The following PDE8A variants were observed in gnomAD, a reference collection of about 807,000 sequenced individuals.
PDE8A encodes the protein phosphodiesterase 8A.
PDE8A carries 59 observed loss-of-function variants against 105.0 expected under a neutral mutation model. That is an observed-to-expected ratio of 0.56 (90% CI 0.46 to 0.70). The LOEUF (loss-of-function observed/expected upper bound fraction) is 0.70. Among genes scored for constraint, PDE8A ranks in the 30% least tolerant of loss-of-function variants. The pLI is 0.00. For synonymous variants in PDE8A, 355 were observed against 371.9 expected, an observed-to-expected ratio of 0.95 and a Z score of 0.52; for missense variants, 1,014 against 1,045.9, an observed-to-expected ratio of 0.97 and a Z score of 0.42.
intron 1 of PDE8A, among the ~76,000 whole-genome samples, chr15:84,990,470 A>C (rs1164782772): frequency 1.3e-5 from 2 of 152,206 alleles, no homozygotes; most frequent in Non-Finnish European, 2.9e-5. Flanking sequence ...ATTTCATGTA[A>C]ATAGAACCTT....
At chr15:85,020,081 C>CA (rs2080399190) in intron 1 of PDE8A, among the ~76,000 whole-genome samples, 1 of 148,692 alleles carries the variant, frequency 6.7e-6, no homozygotes, top group Non-Finnish European at 1.5e-5. Flanking sequence ...AGAAATGAGT[C>CA]AAAGAAGGAG....
chr15:85,111,776 T>C (rs766987783), intron 12 of PDE8A, among the ~76,000 whole-genome samples: 1 of 152,204 alleles, frequency 6.6e-6, no homozygotes, highest in Non-Finnish European at 1.5e-5. Flanking sequence ...TCAGGGAAAA[T>C]TGAAATCTCA....
chr15:85,117,450 A>C (rs962126583), intron 16 of PDE8A, among the ~76,000 whole-genome samples, 191 bp from the exon 17 acceptor site: 1 of 152,164 alleles, frequency 6.6e-6, no homozygotes, highest in Non-Finnish European at 1.5e-5. Context: ...CCCGTGCATC[A>C]TGGTCCCCTG....
At chr15:85,020,028 G>A (rs1330633168) in intron 1 of PDE8A, among the ~76,000 whole-genome samples, 1 of 149,836 alleles carries the variant, frequency 6.7e-6, no homozygotes, top group Non-Finnish European at 1.5e-5. Context: ...TGCAGGCCGG[G>A]TGGTTGGTGA....
In PDE8A at chr15:85,093,337, G is replaced by A. The variant is rs575311915; in HGVS notation, c.852+2156G>A. ...GGGCAACATGGCAGCAGGGCAGGCC[G>A]CTGAGCTGGCCTGTGTTTTGAGGTG... On this transcript the variant is annotated intron_variant, in intron 8 of 21. Coordinates refer to ENST00000394553, the MANE Select transcript of PDE8A (RefSeq NM_002605.3). Among the ~76,000 whole-genome samples the A allele has an allele frequency of 6.6e-5, 10 of 152,302 alleles. No individual in the cohort carries two copies. In the South Asian group the frequency reaches 1.0e-3, roughly 16 times the overall value.
Position 85,113,953 on chromosome 15 carries a change from A to G in PDE8A, c.1266A>G (p.Leu422=), listed in dbSNP as rs890925479. 17 of 1,613,796 alleles carry G rather than the reference A, an allele frequency of 1.1e-5. No homozygotes were observed. Among genetic ancestry groups the G allele is most frequent in the Non-Finnish European group, 1.4e-5 (16 of 1,179,630 alleles). ...CCCTAGACCGTGTGCTGGAAATTCT[A>G]AGAACCACTGAGTTATATTCACCAC... is the stretch of plus-strand genomic sequence containing the variant. ...TEALDRVLEI[L]RTTELYSPQF... is the part of the protein sequence containing the mutation. Residue 422 remains leucine, a synonymous_variant, in exon 14 of 22, where the codon CTA becomes CTG. Transcript: ENST00000394553.
At chr15:85,123,016 T>A in intron 18 of PDE8A, 45 bp from the exon 19 acceptor site, 3 of 1,604,938 alleles carry the variant, frequency 1.9e-6, no homozygotes, top group Non-Finnish European at 2.6e-6. Flanking sequence ...CTGTCTGGTC[T>A]GGATCAGTAA....
At chr15:85,103,910 C>G (rs187247090) in intron 11 of PDE8A, among the ~76,000 whole-genome samples, 6 of 152,346 alleles carry the variant, frequency 3.9e-5, no homozygotes, top group Admixed American at 3.9e-4. Context: ...GTCACCTACT[C>G]TGTCACTAAC....
chr15:84,986,808 C>G (rs11629963), intron 1 of PDE8A, among the ~76,000 whole-genome samples: 28,080 of 151,678 alleles, frequency 0.19, 3,375 homozygotes, highest in Middle Eastern at 0.32. Context: ...GAGACGAGAT[C>G]TTGCTGTGCT....
chr15:85,041,345 C>T (rs918378680), intron 1 of PDE8A, among the ~76,000 whole-genome samples: 11 of 152,182 alleles, frequency 7.2e-5, no homozygotes, highest in African/African-American at 2.7e-4. Flanking sequence ...TGCTTATTAG[C>T]AAGTGTTTGC....
At chr15:85,089,590 A>C (rs563357764) in intron 7 of PDE8A, among the ~76,000 whole-genome samples, 174 bp downstream of exon 7, 2 of 152,116 alleles carry the variant, frequency 1.3e-5, no homozygotes, top group African/African-American at 4.8e-5. Context: ...TAAGCTCTCT[A>C]TAGATTAGAA....
intron 1 of PDE8A, chr15:85,062,784 A>G (rs775182040): frequency 1.7e-4 from 26 of 152,334 alleles, no homozygotes; most frequent in South Asian, 6.2e-4. Flanking sequence ...CACGTCTTCA[A>G]TTGTTCCTAA....
intron 20 of PDE8A, among the ~76,000 whole-genome samples, chr15:85,133,842 G>C (rs2082363386): frequency 6.6e-6 from 1 of 152,244 alleles, no homozygotes; most frequent in Non-Finnish European, 1.5e-5. Context: ...GCAAGGTGAA[G>C]AGGCATCTCT....
chr15:85,043,205 T>G (rs976748750), intron 1 of PDE8A, among the ~76,000 whole-genome samples: 2 of 152,248 alleles, frequency 1.3e-5, no homozygotes, highest in South Asian at 2.1e-4. Flanking sequence ...TCAATTGATT[T>G]GGTATCCATA....
intron 1 of PDE8A, among the ~76,000 whole-genome samples, chr15:85,055,195 G>A (rs899742243): frequency 1.3e-5 from 2 of 152,132 alleles, no homozygotes; most frequent in African/African-American, 4.8e-5. Context: ...TATAATTTCT[G>A]TTCTTTTACA....
Position 85,114,405 on chromosome 15 carries a change from G to A in PDE8A, c.1350+368G>A, listed in dbSNP as rs151240440. Among the ~76,000 whole-genome samples the A allele has an allele frequency of 8.4e-3, 1,283 of 152,200 alleles. 12 individuals are homozygous for A. Among genetic ancestry groups the A allele is most frequent in the Non-Finnish European group, 0.014 (949 of 67,988 alleles). Reference sequence around the variant, plus strand: ...AGAACAGAAAGATTGTCTTTCTCCCGCCATATGTATTTAAAATGGTGCCGG... The same window carrying A: ...AGAACAGAAAGATTGTCTTTCTCCCACCATATGTATTTAAAATGGTGCCGG... On this transcript the variant is annotated intron_variant, in intron 14 of 21. Transcript: ENST00000394553.
At chr15:85,083,795 G>C in intron 6 of PDE8A, 151 bp downstream of exon 6, 3 of 589,804 alleles carry the variant, frequency 5.1e-6, no homozygotes. Context: ...CAGACTTTCT[G>C]GAGTCTGCCT....
intron 1 of PDE8A, among the ~76,000 whole-genome samples, chr15:85,016,818 C>T (rs940024433): frequency 6.6e-6 from 1 of 152,018 alleles, no homozygotes; most frequent in Non-Finnish European, 1.5e-5. Context: ...GTTTAAATCT[C>T]TTGTGGTTTT....
intron 1 of PDE8A, among the ~76,000 whole-genome samples, chr15:85,032,794 T>G (rs901228939): frequency 2.0e-5 from 3 of 152,218 alleles, no homozygotes; most frequent in African/African-American, 7.2e-5. Flanking sequence ...GAATATGTGC[T>G]TATGTTAATA....
Sources: allele counts gnomAD v4.1 joint callset (sites outside exome capture counted in the v4.1 genomes callset), GRCh38; gene constraint gnomAD v4.1.1; transcripts MANE v1.5; gene names NCBI Gene and HGNC (gene_info 2026-07-23, HGNC 2026-07-21).